The following CCDC3 variants were observed in gnomAD, a reference collection of about 807,000 sequenced individuals.
CCDC3 encodes coiled-coil domain containing 3, also known as coiled-coil domain-containing protein 3.
A neutral mutation model predicts 21.4 loss-of-function variants in CCDC3; 24 were observed. The observed-to-expected ratio is 1.12, with a 90% confidence interval of 0.81 to 1.58. The LOEUF (loss-of-function observed/expected upper bound fraction) is 1.58. Among genes scored for constraint, CCDC3 ranks in the 40% most tolerant of loss-of-function variants. The pLI, the probability that CCDC3 is intolerant of heterozygous loss-of-function variation, is 0.00. For synonymous variants in CCDC3, 186 were observed against 166.0 expected (o/e 1.12, Z -0.93); for missense variants, 425 against 360.9 (o/e 1.18, Z -1.44).
chr10:13,025,541 T>G (rs555759135), intron 5 of CCDC3, among the ~76,000 whole-genome samples: 1 of 152,232 alleles, frequency 6.6e-6, no homozygotes, highest in South Asian at 2.1e-4. Flanking sequence ...TATAAAAGAA[T>G]CTTGTTAAAT....
intron 3 of CCDC3, among the ~76,000 whole-genome samples, chr10:13,083,060 C>T (rs1837061799): frequency 6.6e-6 from 1 of 152,130 alleles, no homozygotes; most frequent in South Asian, 2.1e-4. Context: ...TACCTCATTT[C>T]TCCAACGACA....
intron 4 of CCDC3, among the ~76,000 whole-genome samples, chr10:13,057,431 G>A (rs951214439): frequency 5.9e-5 from 9 of 151,428 alleles, no homozygotes; most frequent in African/African-American, 1.2e-4. Context: ...TAAACACATC[G>A]GATCCCTCAG....
intron 2 of CCDC3, among the ~76,000 whole-genome samples, chr10:12,960,506 A>G (rs936724223): frequency 1.3e-5 from 2 of 152,184 alleles, no homozygotes; most frequent in Non-Finnish European, 2.9e-5. Flanking sequence ...GAGATTTATA[A>G]GGTGACATTC....
At chr10:12,971,976 C>A (rs1835349854) in intron 2 of CCDC3, among the ~76,000 whole-genome samples, 1 of 152,120 alleles carries the variant, frequency 6.6e-6, no homozygotes, top group African/African-American at 2.4e-5. Flanking sequence ...TGTGAGCCAC[C>A]ATGCCCAGCC....
intron 4 of CCDC3, among the ~76,000 whole-genome samples, chr10:13,055,238 G>A (rs1170835540): frequency 6.6e-6 from 1 of 152,152 alleles, no homozygotes; most frequent in Admixed American, 6.5e-5. Context: ...AGCTGCCTAC[G>A]CCCAGAACTG....
chr10:12,975,829 C>A (rs1389005193), intron 2 of CCDC3, among the ~76,000 whole-genome samples: 1 of 152,190 alleles, frequency 6.6e-6, no homozygotes, highest in Non-Finnish European at 1.5e-5. Context: ...TGAGCCCAAT[C>A]CCAAATTGCA....
chr10:12,923,745 G>A (rs1178225938), intron 2 of CCDC3, among the ~76,000 whole-genome samples: 6 of 152,078 alleles, frequency 3.9e-5, no homozygotes, highest in Non-Finnish European at 7.4e-5. Context: ...TGTCCCTCCC[G>A]ACCCGTCTCC....
intron 5 of CCDC3, among the ~76,000 whole-genome samples, chr10:13,017,516 C>CCA (rs1836081832): frequency 9.0e-6 from 1 of 111,704 alleles, no homozygotes; most frequent in East Asian, 2.4e-4. Flanking sequence ...GACTCCATCT[C>CCA]AAAAAAAAAA....
At chr10:13,042,683 C>A (rs1454602723) in intron 5 of CCDC3, among the ~76,000 whole-genome samples, 2 of 150,990 alleles carry the variant, frequency 1.3e-5, no homozygotes, top group African/African-American at 2.4e-5. Flanking sequence ...CTGAGGTGGG[C>A]GGATCACGAG....
At chr10:13,090,570 C>G (rs1832554757) in intron 3 of CCDC3, among the ~76,000 whole-genome samples, 1 of 152,160 alleles carries the variant, frequency 6.6e-6, no homozygotes, top group Non-Finnish European at 1.5e-5. Flanking sequence ...AGGTGTGGAC[C>G]TCTTCATTCA....
chr10:13,035,637 T>C (rs2131414553), intron 5 of CCDC3, among the ~76,000 whole-genome samples: 1 of 152,338 alleles, frequency 6.6e-6, no homozygotes, highest in East Asian at 1.9e-4. Context: ...GGAAGAACTA[T>C]ATCATCCCGA....
chr10:12,898,650 C>A lies in CCDC3; in HGVS notation c.579G>T (p.Leu193Phe). Residue 193 changes from leucine to phenylalanine, a missense_variant, in exon 3 of 3, where the codon TTG becomes TTT. Transcript: ENST00000378825. ...RLMCSSVQKA[L>F]FEEEDHVKKL... is the part of the protein sequence containing the mutation. ...TCTTGACGTGGTCCTCCTCCTCAAA[C>A]AAGGCCTTCTGCACCGAGGAGCACA... The A allele has an allele frequency of 6.2e-7, 1 of 1,614,232 alleles. No individual in the cohort carries two copies. The highest frequency in any genetic ancestry group is 1.1e-5 in the South Asian group (1 of 91,082).
intron 2 of CCDC3, among the ~76,000 whole-genome samples, chr10:12,994,792 G>A (rs1009849585): frequency 8.6e-5 from 13 of 151,838 alleles, no homozygotes; most frequent in Admixed American, 6.6e-4. Context: ...GAAAAAAGCA[G>A]CAAGTAGGCC....
intron 3 of CCDC3, chr10:13,098,481 T>C (rs1045878349): frequency 1.3e-5 from 2 of 150,654 alleles, no homozygotes; most frequent in Non-Finnish European, 3.0e-5. Context: ...GCCCCACCTA[T>C]AGGGTTTTAA....
At chr10:12,941,169 G>A (rs7083738) in intron 2 of CCDC3, among the ~76,000 whole-genome samples, 2 of 152,086 alleles carry the variant, frequency 1.3e-5, no homozygotes, top group Non-Finnish European at 2.9e-5. Flanking sequence ...ACGTGGTGAC[G>A]AGAGTGTCCT....
intron 3 of CCDC3, among the ~76,000 whole-genome samples, chr10:13,092,203 C>G (rs1205814994): frequency 1.3e-5 from 2 of 152,082 alleles, no homozygotes; most frequent in African/African-American, 4.8e-5. Flanking sequence ...AGTATGGGAA[C>G]CAAGGTAGAC....
intron 2 of CCDC3, among the ~76,000 whole-genome samples, chr10:12,977,214 G>T (rs1835430175): frequency 6.6e-6 from 1 of 152,130 alleles, no homozygotes. Context: ...GGCAGAGGTT[G>T]CTGTGAGCTG....
At chr10:12,911,818 C>G (rs1269483890) in intron 2 of CCDC3, among the ~76,000 whole-genome samples, 1 of 152,210 alleles carries the variant, frequency 6.6e-6, no homozygotes, top group African/African-American at 2.4e-5. Context: ...AATACCCCTT[C>G]CAAGTCTCTG....
At chr10:12,904,839 G>C (rs918351818) in intron 2 of CCDC3, among the ~76,000 whole-genome samples, 2 of 151,914 alleles carry the variant, frequency 1.3e-5, no homozygotes, top group African/African-American at 4.8e-5. Flanking sequence ...ATTCATTCTG[G>C]CAAGAAGCAT....
Sources: allele counts gnomAD v4.1 joint callset (sites outside exome capture counted in the v4.1 genomes callset), GRCh38; gene constraint gnomAD v4.1.1; transcripts MANE v1.5; gene names NCBI Gene and HGNC (gene_info 2026-07-23, HGNC 2026-07-21).